NEGR1: variants seen among roughly 807,000 people sequenced by gnomAD.
NEGR1 encodes the protein neuronal growth regulator 1, also known as IgLON family member 4.
Under a neutral mutation model 40.9 loss-of-function variants are expected in NEGR1, and 10 were observed. The ratio of observed to expected loss-of-function variants is 0.24; its 90% CI spans 0.15 to 0.42. NEGR1 has a LOEUF of 0.42. Ranked by LOEUF, NEGR1 falls within the 10% of genes least tolerant of loss-of-function variation. The pLI, the probability that NEGR1 is intolerant of heterozygous loss-of-function variation, is 1.00. For synonymous variants in NEGR1, 185 were observed against 166.8 expected, an observed-to-expected ratio of 1.11 and a Z score of -0.84; for missense variants, 352 against 438.9, an observed-to-expected ratio of 0.80 and a Z score of 1.77.
intron 3 of NEGR1, among the ~76,000 whole-genome samples, chr1:71,774,413 T>C (rs1215418128): frequency 2.0e-5 from 3 of 152,162 alleles, no homozygotes; most frequent in Admixed American, 6.5e-5. Flanking sequence ...AGAAATATTG[T>C]AGGGGACATA....
At chr1:71,606,048 G>T (rs1007272621) in intron 5 of NEGR1, among the ~76,000 whole-genome samples, 2 of 152,140 alleles carry the variant, frequency 1.3e-5, no homozygotes, top group African/African-American at 4.8e-5. Flanking sequence ...CTCTCACAAT[G>T]ACAATTTCAG....
intron 4 of NEGR1, among the ~76,000 whole-genome samples, chr1:71,643,157 C>A (rs1327456105): frequency 6.6e-6 from 1 of 151,940 alleles, no homozygotes; most frequent in East Asian, 1.9e-4. Flanking sequence ...TAAAACCACA[C>A]AAATCCCCAA....
intron 5 of NEGR1, among the ~76,000 whole-genome samples, chr1:71,599,694 T>C (rs1352243696): frequency 6.6e-6 from 1 of 152,234 alleles, no homozygotes; most frequent in Non-Finnish European, 1.5e-5. Flanking sequence ...TAGAACACTT[T>C]AATGAATCTA....
chr1:71,507,326 TG>T (rs1381621601), intron 6 of NEGR1, among the ~76,000 whole-genome samples: 1 of 152,150 alleles, frequency 6.6e-6, no homozygotes, highest in African/African-American at 2.4e-5. Context: ...AAACTAAAGA[TG>T]GGAAATGGGT....
intron 3 of NEGR1, among the ~76,000 whole-genome samples, chr1:71,773,709 A>G (rs1656406883): frequency 6.6e-6 from 1 of 152,296 alleles, no homozygotes; most frequent in South Asian, 2.1e-4. Flanking sequence ...TCATTGGATA[A>G]TAGTTAATAT....
intron 1 of NEGR1, among the ~76,000 whole-genome samples, chr1:72,053,111 T>C (rs1454596600): frequency 1.3e-5 from 2 of 151,378 alleles, no homozygotes; most frequent in African/African-American, 4.8e-5. Context: ...TTCAAATTTG[T>C]AGTCAGGACA....
intron 1 of NEGR1, among the ~76,000 whole-genome samples, chr1:71,984,812 GGTCT>G (rs1168295275): frequency 2.0e-5 from 3 of 151,902 alleles, no homozygotes; most frequent in Non-Finnish European, 4.4e-5. Flanking sequence ...CAGAATTCTA[GGTCT>G]GTCTTTACTT....
At chr1:71,469,812 T>A (rs1646770154) in intron 6 of NEGR1, among the ~76,000 whole-genome samples, 1 of 152,084 alleles carries the variant, frequency 6.6e-6, no homozygotes, top group Non-Finnish European at 1.5e-5. Context: ...GAGGCTTAAG[T>A]CAAGCATGCT....
intron 6 of NEGR1, among the ~76,000 whole-genome samples, chr1:71,555,822 T>C (rs58534383): frequency 0.047 from 7,054 of 151,606 alleles, 562 homozygotes; most frequent in African/African-American, 0.16. Flanking sequence ...TGTCCTTCAC[T>C]CTCACTGAAG....
chr1:71,705,041 G>T (rs1210139162), intron 3 of NEGR1, among the ~76,000 whole-genome samples: 1 of 150,588 alleles, frequency 6.6e-6, no homozygotes, highest in Non-Finnish European at 1.5e-5. Flanking sequence ...ATAATTCATT[G>T]AAAAATTCAG....
chr1:71,462,830 A>T (rs1263497721), intron 6 of NEGR1, among the ~76,000 whole-genome samples: 2 of 152,186 alleles, frequency 1.3e-5, no homozygotes, highest in African/African-American at 4.8e-5. Context: ...AATTAAGAAG[A>T]CTTAGAAAGA....
chr1:71,438,593 G>T (rs751823189), intron 6 of NEGR1, among the ~76,000 whole-genome samples: 6 of 152,168 alleles, frequency 3.9e-5, no homozygotes, highest in Non-Finnish European at 7.4e-5. Flanking sequence ...GGTCGAAAAA[G>T]CACTTAGGCA....
intron 2 of NEGR1, among the ~76,000 whole-genome samples, chr1:71,839,122 C>T (rs1659144881): frequency 7.9e-6 from 1 of 126,046 alleles, no homozygotes; most frequent in South Asian, 2.4e-4. Context: ...ATAGAAAGAA[C>T]AAGGGGTCCC....
intron 1 of NEGR1, among the ~76,000 whole-genome samples, chr1:72,241,745 C>A (rs1314528095): frequency 6.6e-6 from 1 of 150,672 alleles, no homozygotes; most frequent in East Asian, 1.9e-4. Flanking sequence ...TTTTTCTGAG[C>A]AGTTACCTAG....
chr1:72,202,714 A>G (rs1048558672), intron 1 of NEGR1, among the ~76,000 whole-genome samples: 1 of 152,034 alleles, frequency 6.6e-6, no homozygotes, highest in African/African-American at 2.4e-5. Flanking sequence ...TTTCATAGCT[A>G]AAGAAGAGAA....
chr1:72,121,480 C>A (rs1649803568), intron 1 of NEGR1, among the ~76,000 whole-genome samples: 1 of 151,836 alleles, frequency 6.6e-6, no homozygotes, highest in Non-Finnish European at 1.5e-5. Flanking sequence ...TCCCTAATGT[C>A]ATTAGTCAAC....
chr1:72,028,417 A>G (rs1485725699), intron 1 of NEGR1, among the ~76,000 whole-genome samples: 1 of 152,238 alleles, frequency 6.6e-6, no homozygotes, highest in Non-Finnish European at 1.5e-5. Context: ...CACACATAAA[A>G]GTATGTTACT....
chr1:71,837,512 A>T (rs1205023281), intron 2 of NEGR1, among the ~76,000 whole-genome samples: 1 of 151,924 alleles, frequency 6.6e-6, no homozygotes. Flanking sequence ...AAATACATTC[A>T]TTTTTTGTCT....
At chr1:71,874,890 C>T (rs1292230192) in intron 2 of NEGR1, among the ~76,000 whole-genome samples, 1 of 152,048 alleles carries the variant, frequency 6.6e-6, no homozygotes, top group Non-Finnish European at 1.5e-5. Context: ...ATCACCCAGG[C>T]TGGAATGCAG....
Sources: allele counts gnomAD v4.1 joint callset (sites outside exome capture counted in the v4.1 genomes callset), GRCh38; gene constraint gnomAD v4.1.1; transcripts MANE v1.5; gene names NCBI Gene and HGNC (gene_info 2026-07-23, HGNC 2026-07-21).